TRERF1: variants seen among roughly 807,000 people sequenced by gnomAD.
TRERF1 encodes the protein transcriptional regulating factor 1, also known as transcriptional-regulating factor 1.
TRERF1 carries 27 observed loss-of-function variants against 122.9 expected under a neutral mutation model. The ratio of observed to expected loss-of-function variants is 0.22; its 90% CI spans 0.16 to 0.30. The LOEUF (loss-of-function observed/expected upper bound fraction) is 0.30. Among genes scored for constraint, TRERF1 ranks in the 10% least tolerant of loss-of-function variants. The pLI, the probability that TRERF1 is intolerant of heterozygous loss-of-function variation, is 1.00. For synonymous variants in TRERF1, 636 were observed against 641.7 expected, an observed-to-expected ratio of 0.99 and a Z score of 0.13; for missense variants, 1,248 against 1,560.3, an observed-to-expected ratio of 0.80 and a Z score of 3.37.
intron 3 of TRERF1, among the ~76,000 whole-genome samples, chr6:42,352,295 T>G (rs1358761738): frequency 6.6e-6 from 1 of 152,244 alleles, no homozygotes; most frequent in Non-Finnish European, 1.5e-5. Flanking sequence ...GCATCCAGCC[T>G]CATAATTTCG....
intron 12 of TRERF1, 38 bp downstream of exon 12, chr6:42,256,690 T>C (rs749299577): frequency 1.5e-5 from 23 of 1,576,840 alleles, no homozygotes; most frequent in Middle Eastern, 3.4e-4. Context: ...AAAATACTCT[T>C]CAGGAATTTG....
At position 42,335,344 on chromosome 6, in the gene TRERF1, A is replaced by C. The variant is rs1403808506; in HGVS notation, c.-371+27653T>G. 2.6e-5 allele frequency among the ~76,000 whole-genome samples: 4 copies of C among 152,184 alleles called. No homozygotes were observed. In the East Asian group the frequency reaches 7.7e-4, roughly 29 times the overall value. ...ACAGCAACAGTAACAGCAGCAGCCAACCACACTTACTAGTACTCACAGTGC... is the reference window on the plus strand; with the variant it reads ...ACAGCAACAGTAACAGCAGCAGCCACCCACACTTACTAGTACTCACAGTGC... On this transcript the variant is annotated intron_variant, in intron 3 of 17. Coordinates refer to ENST00000372922, the Ensembl canonical transcript of TRERF1.
At chr6:42,337,177 A>G (rs1460104869) in intron 3 of TRERF1, among the ~76,000 whole-genome samples, 3 of 152,188 alleles carry the variant, frequency 2.0e-5, no homozygotes, top group Non-Finnish European at 4.4e-5. Flanking sequence ...CCCAGCAGGG[A>G]GGCAGCTGGT....
chr6:42,326,758 T>C (rs1279123557), intron 3 of TRERF1, among the ~76,000 whole-genome samples: 1 of 152,238 alleles, frequency 6.6e-6, no homozygotes, highest in Non-Finnish European at 1.5e-5. Flanking sequence ...AAAACAATGC[T>C]CTTGTATTAG....
intron 2 of TRERF1, among the ~76,000 whole-genome samples, chr6:42,404,718 C>T (rs1182458426): frequency 2.0e-5 from 3 of 146,390 alleles, no homozygotes; most frequent in Non-Finnish European, 2.9e-5. Flanking sequence ...CTCTCTGTGC[C>T]GATTCCTGCT....
intron 2 of TRERF1, among the ~76,000 whole-genome samples, chr6:42,405,550 T>C (rs1432672425): frequency 6.6e-6 from 1 of 152,032 alleles, no homozygotes; most frequent in Non-Finnish European, 1.5e-5. Flanking sequence ...ATCCCAGCAT[T>C]TTGGGAGGCC....
intron 2 of TRERF1, among the ~76,000 whole-genome samples, chr6:42,443,689 G>C (rs1355809749): frequency 1.3e-5 from 2 of 152,200 alleles, no homozygotes; most frequent in African/African-American, 2.4e-5. Flanking sequence ...GCACTGCCCA[G>C]CCAGCATTTC....
Position 42,253,794 on chromosome 6 carries a change from A to G in TRERF1, c.2656+1057T>C, listed in dbSNP as rs1776247554. Among the ~76,000 whole-genome samples, 4 of 152,228 alleles carry G rather than the reference A, an allele frequency of 2.6e-5. No individual in the cohort carries two copies. The South Asian group carries it at 8.3e-4, about 32-fold the overall frequency. On this transcript the variant is annotated intron_variant, in intron 13 of 17. Transcript: ENST00000372922. ...AAATGTTGGTGGAGAAAGCAAGCCA[A>G]TATTTGTAAAGAAGCCCTCACTGGG...
chr6:42,238,252 G>T (rs1352105333), intron 15 of TRERF1, among the ~76,000 whole-genome samples: 1 of 152,094 alleles, frequency 6.6e-6, no homozygotes, highest in Non-Finnish European at 1.5e-5. Flanking sequence ...TTTGTTTCAT[G>T]GTATTTGTTA....
At position 42,409,196 on chromosome 6, in the gene TRERF1, C is replaced by T. The variant is rs556108848; in HGVS notation, c.-454+41981G>A. ...CAAGAGGCTGAGGTGGGAAGATTGC[C>T]TGCGCCCAGGAAGTTGAGGCTGCAG... On this transcript the variant is annotated intron_variant, in intron 2 of 17. Coordinates refer to ENST00000372922, the Ensembl canonical transcript of TRERF1. Among the ~76,000 whole-genome samples the T allele has an allele frequency of 3.9e-5, 6 of 152,150 alleles. No individual in the cohort carries two copies. In the East Asian group the frequency reaches 1.2e-3, roughly 29 times the overall value.
Position 42,228,660 on chromosome 6 carries a change from G to C in TRERF1, c.3288C>G (p.Phe1096Leu), listed in dbSNP as rs775670303. The C allele has an allele frequency of 3.1e-6, 5 of 1,593,620 alleles. No homozygotes were observed. The highest frequency in any genetic ancestry group is 4.3e-6 in the Non-Finnish European group (5 of 1,171,658). The change falls in exon 18 of 18, where the codon TTC (phenylalanine) becomes TTG (leucine). Residue 1096 changes from phenylalanine to leucine, a missense_variant. Phe to Leu is a conservative substitution (Grantham distance 22). This residue lies in a region of TRERF1 where 159 missense variants were observed against 221.7 expected (regional missense o/e 0.72). Transcript: ENST00000372922. This position sits in a 1 kb window ranked among gnomAD's most constrained non-coding sequence, Gnocchi z 4.2. ...TGTGTGCATTTCGGCTTTTGATCTT[G>C]AAGAAGACTCTAAAAATAAAGAAAG...
intron 3 of TRERF1, among the ~76,000 whole-genome samples, chr6:42,331,897 G>A (rs1202231359): frequency 6.6e-6 from 1 of 152,196 alleles, no homozygotes; most frequent in Non-Finnish European, 1.5e-5. Context: ...TGAGGAGTTT[G>A]TAAAATATGT....
rs531684051 is a variant in TRERF1, at chr6:42,313,750, G to A, written c.-370-13001C>T. On this transcript the variant is annotated intron_variant, in intron 3 of 17. Transcript: ENST00000372922. ...CAGGTCTCTGAAGGCATATGTGGTGGGGCTTCCTTGAAAGACCTTGGATTT... is the reference window on the plus strand; with the variant it reads ...CAGGTCTCTGAAGGCATATGTGGTGAGGCTTCCTTGAAAGACCTTGGATTT... Among the ~76,000 whole-genome samples the A allele has an allele frequency of 4.6e-5, 7 of 152,210 alleles. No individual in the cohort carries two copies. In the South Asian group the frequency reaches 1.5e-3, roughly 32 times the overall value.
chr6:42,299,116 C>CTGTCTGTCTGTCTGTCTGTA (rs10627056), intron 4 of TRERF1, among the ~76,000 whole-genome samples: 109 of 141,726 alleles, frequency 7.7e-4, no homozygotes, highest in Non-Finnish European at 9.7e-4. Flanking sequence ...GTCTGTCTGT[C>CTGTCTGTCTGTCTGTCTGTA]TCTATCTATC....
At chr6:42,335,315 G>A (rs1765937794) in intron 3 of TRERF1, among the ~76,000 whole-genome samples, 1 of 152,160 alleles carries the variant, frequency 6.6e-6, no homozygotes, top group African/African-American at 2.4e-5. Context: ...GACAAGGCAG[G>A]GGCACAGCAA....
intron 12 of TRERF1, 145 bp from the exon 13 acceptor site, chr6:42,255,071 C>T (rs1011259469): frequency 8.0e-5 from 56 of 701,414 alleles, no homozygotes; most frequent in Non-Finnish European, 1.3e-4. Flanking sequence ...GGAGACTCCC[C>T]TAACTAGGGT....
chr6:42,320,351 ATTGGCTC>A (rs1417849036), intron 3 of TRERF1, among the ~76,000 whole-genome samples: 2 of 152,140 alleles, frequency 1.3e-5, no homozygotes, highest in Non-Finnish European at 2.9e-5. Flanking sequence ...CGTTTAGCCT[ATTGGCTC>A]TTACATTGAC....
intron 4 of TRERF1, among the ~76,000 whole-genome samples, chr6:42,297,329 G>C (rs570621411): frequency 4.2e-4 from 64 of 152,300 alleles, no homozygotes; most frequent in African/African-American, 1.3e-3. Context: ...CAAATGAAAA[G>C]ACCAAAACAA....
chr6:42,319,069 G>A (rs1762963005), intron 3 of TRERF1, among the ~76,000 whole-genome samples: 1 of 152,210 alleles, frequency 6.6e-6, no homozygotes, highest in Non-Finnish European at 1.5e-5. Flanking sequence ...CCTTCCACCT[G>A]AATGAAGAGT....
Sources: gnomAD v4.1 joint callset for allele counts (sites outside exome capture counted in the v4.1 genomes callset) on GRCh38, gnomAD v4.1.1 for gene constraint, gnomAD v4.1.1 regional missense constraint, Gnocchi (gnomAD v3.1) non-coding constraint, MANE v1.5 for transcripts, NCBI Gene and HGNC (gene_info 2026-07-23, HGNC 2026-07-21) for gene names.